Variants in JPH1 observed in about 807,000 individuals in gnomAD.
JPH1 encodes junctophilin-1.
A neutral mutation model predicts 53.6 loss-of-function variants in JPH1; 12 were observed. The ratio of observed to expected loss-of-function variants is 0.22; its 90% CI spans 0.14 to 0.36. The LOEUF is 0.36. Among genes scored for constraint, JPH1 ranks in the 10% least tolerant of loss-of-function variants. The probability of loss-of-function intolerance (pLI) is 1.00; values close to 1 mark genes in which losing one functional copy is unlikely to be tolerated. For missense variants in JPH1, 808 were observed against 905.5 expected (o/e 0.89, Z 1.38); for synonymous variants, 375 against 363.8 (o/e 1.03, Z -0.35).
rs779057070 is a variant in JPH1 at position 74,321,049 on chromosome 8, C to T, written c.239G>A (p.Trp80Ter). 6.2e-7 allele frequency: 1 copy of T among 1,613,592 alleles called. No individual in the cohort carries two copies. Among genetic ancestry groups the T allele is most frequent in the Non-Finnish European group, 8.5e-7 (1 of 1,179,762 alleles). ...ATGTGACCACTCCCCCCGGTACATCCACTTGCCCTTCGTCTCCACCCCCAG... is the reference window on the plus strand; with the variant it reads ...ATGTGACCACTCCCCCCGGTACATCTACTTGCCCTTCGTCTCCACCCCCAG... ...HGLGVETKGK[W>*]MYRGEWSHGF... is the part of the protein sequence containing the mutation. The change falls in exon 1 of 6, where the codon TGG becomes TAG. Residue 80 changes from tryptophan to a stop codon, truncating the protein, a stop_gained. Coordinates refer to ENST00000342232, the MANE Select transcript of JPH1 (RefSeq NM_020647.4). LOFTEE classifies it high-confidence loss of function. This position sits in a 1 kb window ranked among gnomAD's most constrained non-coding sequence, Gnocchi z 4.3.
intron 4 of JPH1, among the ~76,000 whole-genome samples, chr8:74,241,295 T>C (rs1231065651): frequency 6.6e-6 from 1 of 152,178 alleles, no homozygotes; most frequent in African/African-American, 2.4e-5. Flanking sequence ...GTGTTCTTTA[T>C]ATACCTAGGC....
chr8:74,272,523 A>C (rs183717458), intron 2 of JPH1, among the ~76,000 whole-genome samples: 2 of 152,196 alleles, frequency 1.3e-5, no homozygotes, highest in African/African-American at 4.8e-5. Context: ...ACAACGGCTC[A>C]AAGCATGATC....
At chr8:74,252,918 C>A (rs1302460333) in intron 3 of JPH1, among the ~76,000 whole-genome samples, 6 of 150,666 alleles carry the variant, frequency 4.0e-5, no homozygotes, top group African/African-American at 2.4e-5. Context: ...TAGAAAGAGA[C>A]TTAGACTCCC....
chr8:74,274,002 G>C (rs1441374518), intron 2 of JPH1, among the ~76,000 whole-genome samples: 2 of 152,094 alleles, frequency 1.3e-5, no homozygotes. Context: ...ACTTGTTCTG[G>C]GCTATTTTAA....
Position 74,244,724 on chromosome 8 carries a change from G to A in JPH1, c.1710C>T (p.Gly570=), listed in dbSNP as rs181966040. Residue 570 remains glycine, a synonymous_variant, in exon 4 of 6, where the codon GGC becomes GGT. Transcript: ENST00000342232. The part of the protein sequence containing the change: ...PQHPPVDVED[G]DGSSQSSSAL... ...CTGAGGAAGACTGGCTGGATCCATC[G>A]CCGTCCTCCACGTCTACTGGAGGGT... 240 of 1,614,138 alleles carry A rather than the reference G, an allele frequency of 1.5e-4. 1 individual carries two copies. The highest frequency in any genetic ancestry group is 1.9e-4 in the Non-Finnish European group (219 of 1,180,024).
chr8:74,286,714 T>G (rs1424710957), intron 2 of JPH1, among the ~76,000 whole-genome samples: 2 of 152,228 alleles, frequency 1.3e-5, no homozygotes, highest in African/African-American at 4.8e-5. Context: ...TCTTATCTTC[T>G]CCATTACACT....
intron 2 of JPH1, among the ~76,000 whole-genome samples, chr8:74,291,808 A>C (rs576536569): frequency 2.0e-5 from 3 of 152,362 alleles, no homozygotes; most frequent in African/African-American, 7.2e-5. Flanking sequence ...TGGATTAAGA[A>C]AATGTGGCAC....
chr8:74,259,138 C>T (rs1355185754), intron 3 of JPH1, among the ~76,000 whole-genome samples: 2 of 152,168 alleles, frequency 1.3e-5, no homozygotes, highest in African/African-American at 2.4e-5. Context: ...AACTTGGGTT[C>T]CCAGCTCAAG....
intron 4 of JPH1, among the ~76,000 whole-genome samples, chr8:74,238,490 T>C (rs1352904246): frequency 1.3e-5 from 2 of 152,160 alleles, no homozygotes; most frequent in Non-Finnish European, 2.9e-5. Flanking sequence ...CTTTGTTGTT[T>C]AACTGCTATT....
intron 2 of JPH1, among the ~76,000 whole-genome samples, chr8:74,307,377 C>T (rs548782613): frequency 2.5e-4 from 38 of 152,326 alleles, no homozygotes; most frequent in African/African-American, 8.7e-4. Context: ...AATAATTGCT[C>T]CCTGTTCACC....
intron 2 of JPH1, among the ~76,000 whole-genome samples, chr8:74,271,819 C>T (rs547996700): frequency 2.0e-5 from 3 of 152,256 alleles, no homozygotes; most frequent in Non-Finnish European, 4.4e-5. Context: ...GCTGTCAGGG[C>T]AAGGAGGGGC....
At position 74,244,935 on chromosome 8, in the gene JPH1, C is replaced by T. The variant is rs1805811355; in HGVS notation, c.1499G>A (p.Ser500Asn). ...SGARLNQDKR[S>N]VADEQVTAIV... ...GGCCGTCACCTGCTCATCAGCCACACTCCTTTTGTCTTGGTTGAGTCTCGC... is the reference window on the plus strand; with the variant it reads ...GGCCGTCACCTGCTCATCAGCCACATTCCTTTTGTCTTGGTTGAGTCTCGC... Residue 500 changes from serine (S) to asparagine (N), a missense_variant, in exon 4 of 6, where the codon AGT becomes AAT. Ser to Asn is a conservative substitution (Grantham distance 46). Around this residue, in one of 2 missense-constraint regions of JPH1, gnomAD observed 756 missense variants for 811.9 expected, o/e 0.93. Transcript: ENST00000342232. 7 of 1,614,156 alleles carry T rather than the reference C, an allele frequency of 4.3e-6. No homozygotes were observed. Among genetic ancestry groups the T allele is most frequent in the Non-Finnish European group, 5.9e-6 (7 of 1,180,034 alleles).
intron 2 of JPH1, among the ~76,000 whole-genome samples, chr8:74,267,674 C>G (rs1806573752): frequency 6.6e-6 from 1 of 152,110 alleles, no homozygotes; most frequent in Non-Finnish European, 1.5e-5. Flanking sequence ...CAGGTGTGGG[C>G]CACATGCTGG....
intron 4 of JPH1, among the ~76,000 whole-genome samples, chr8:74,240,914 A>T (rs577879714): frequency 2.6e-5 from 4 of 152,244 alleles, no homozygotes; most frequent in Non-Finnish European, 5.9e-5. Context: ...GAGTATTTTG[A>T]ATTTGTATAT....
chr8:74,290,617 T>C (rs970284223), intron 2 of JPH1, among the ~76,000 whole-genome samples: 4 of 152,154 alleles, frequency 2.6e-5, no homozygotes, highest in Non-Finnish European at 5.9e-5. Context: ...CTTCACAGAA[T>C]TGGAAAAAAC....
intron 3 of JPH1, among the ~76,000 whole-genome samples, chr8:74,250,286 C>T (rs1349543854): frequency 6.6e-6 from 1 of 152,160 alleles, no homozygotes; most frequent in Non-Finnish European, 1.5e-5. Context: ...GCATGTACTA[C>T]CAGGCCCAGC....
At chr8:74,282,931 G>A (rs1807053539) in intron 2 of JPH1, among the ~76,000 whole-genome samples, 1 of 152,092 alleles carries the variant, frequency 6.6e-6, no homozygotes, top group Admixed American at 6.5e-5. Context: ...CTATAAATAT[G>A]TACAATTATA....
chr8:74,278,274 A>G (rs1196589673), intron 2 of JPH1, among the ~76,000 whole-genome samples: 1 of 152,230 alleles, frequency 6.6e-6, no homozygotes, highest in Non-Finnish European at 1.5e-5. Context: ...CATCCATGTA[A>G]GACATGACTT....
Position 74,307,164 on chromosome 8 carries a change from G to C in JPH1, c.1139+7697C>G, listed in dbSNP as rs987530006. Among the ~76,000 whole-genome samples the C allele has an allele frequency of 4.6e-5, 7 of 152,112 alleles. 1 individual carries two copies. In the Middle Eastern group the frequency reaches 0.017, roughly 370 times the overall value. ...CTTCCCAATCCTTCCTTCCCTTCCT[G>C]TTTCCTTCCTCACTTCATCTTTACC... On this transcript the variant is annotated intron_variant, in intron 2 of 5. Transcript: ENST00000342232.
Sources: gnomAD v4.1 joint callset for allele counts (sites outside exome capture counted in the v4.1 genomes callset) on GRCh38, gnomAD v4.1.1 for gene constraint, gnomAD v4.1.1 regional missense constraint, Gnocchi (gnomAD v3.1) non-coding constraint, MANE v1.5 for transcripts, NCBI Gene and HGNC (gene_info 2026-07-23, HGNC 2026-07-21) for gene names.